The following ACAN variants were observed in gnomAD, a reference collection of about 807,000 sequenced individuals.
ACAN encodes aggrecan core protein.
A neutral mutation model predicts 169.1 loss-of-function variants in ACAN; 47 were observed. The observed-to-expected ratio is 0.28, with a 90% confidence interval of 0.22 to 0.35. The LOEUF (loss-of-function observed/expected upper bound fraction) is 0.35. ACAN is among the 10% of genes least tolerant of loss of function. The probability of loss-of-function intolerance (pLI) is 1.00; values close to 1 mark genes in which losing one functional copy is unlikely to be tolerated. For missense variants in ACAN, 2,716 were observed against 2,759.9 expected, an observed-to-expected ratio of 0.98 and a Z score of 0.36; for synonymous variants, 1,115 against 1,112.2, an observed-to-expected ratio of 1.00 and a Z score of -0.05.
Position 88,851,903 on chromosome 15 carries a change from C to A in ACAN, c.2136C>A (p.Val712=). 6.2e-7 allele frequency: 1 copy of A among 1,612,370 alleles called. No individual in the cohort carries two copies. Among genetic ancestry groups the A allele is most frequent in the Non-Finnish European group, 8.5e-7 (1 of 1,179,304 alleles). The change falls in exon 11 of 19, where the codon GTC becomes GTA. Residue 712 remains valine, a synonymous_variant. Transcript: ENST00000560601. The surrounding 1 kb of genome is among the most constrained non-coding windows in gnomAD (Gnocchi z 4.3). The stretch of plus-strand genomic sequence containing the variant: ...AAGTGGTTCCTGGTGTGGCTGCTGT[C>A]CCCGTAGAAGAGGAGACAACTGCTG... ...VTQVVPGVAA[V]PVEEETTAVP... is the part of the protein sequence containing the mutation.
intron 4 of ACAN, among the ~76,000 whole-genome samples, chr15:88,840,955 T>C (rs1264863477): frequency 1.3e-5 from 2 of 152,040 alleles, no homozygotes; most frequent in African/African-American, 4.8e-5. Context: ...CCATCCTAGC[T>C]AACATGGTGA....
In ACAN at chr15:88,868,728, G is replaced by A. The variant is rs1245226030; in HGVS notation, c.7060+399G>A. Among the ~76,000 whole-genome samples, 1 of 152,188 alleles carries A rather than the reference G, an allele frequency of 6.6e-6. No individual in the cohort carries two copies. The highest frequency in any genetic ancestry group is 1.5e-5 in the Non-Finnish European group (1 of 68,040). ...CTTCTCAGTGTGGTCATGGGCATGGGACCTTTGTGGTTCCTTCATGGCCCT... is the reference window on the plus strand; with the variant it reads ...CTTCTCAGTGTGGTCATGGGCATGGAACCTTTGTGGTTCCTTCATGGCCCT... On this transcript the variant is annotated intron_variant, in intron 14 of 18. Coordinates refer to ENST00000560601, the MANE Select transcript of ACAN (RefSeq NM_001369268.1). This position sits in a 1 kb window ranked among gnomAD's most constrained non-coding sequence, Gnocchi z 5.2.
intron 10 of ACAN, chr15:88,850,024 G>A: frequency 1.7e-6 from 1 of 600,772 alleles, no homozygotes; most frequent in Non-Finnish European, 3.0e-6. Flanking sequence ...CTACTTAATA[G>A]CTGTGTGAAA....
intron 9 of ACAN, 89 bp downstream of exon 9, chr15:88,848,127 ACCAC>A: frequency 6.5e-7 from 1 of 1,528,482 alleles, no homozygotes; most frequent in Non-Finnish European, 8.9e-7. Context: ...AGAGGGGGTT[ACCAC>A]CCACCCACCC....
At chr15:88,834,739 G>C (rs965505653) in intron 1 of ACAN, among the ~76,000 whole-genome samples, 1 of 152,234 alleles carries the variant, frequency 6.6e-6, no homozygotes, top group African/African-American at 2.4e-5. Flanking sequence ...TGGAGGGAAG[G>C]TCACAGGAGG....
chr15:88,840,866 C>G (rs1293246428), intron 4 of ACAN, among the ~76,000 whole-genome samples: 1 of 152,058 alleles, frequency 6.6e-6, no homozygotes, highest in Admixed American at 6.5e-5. Context: ...TGGACTCAGC[C>G]GGGCGCAGTG....
intron 1 of ACAN, among the ~76,000 whole-genome samples, chr15:88,820,636 A>G (rs1447624485): frequency 6.6e-6 from 1 of 152,072 alleles, no homozygotes; most frequent in East Asian, 1.9e-4. Context: ...ATCAAGGCTA[A>G]ACTCAAATCC....
intron 1 of ACAN, among the ~76,000 whole-genome samples, chr15:88,828,729 A>G (rs1376820593): frequency 6.6e-6 from 1 of 152,154 alleles, no homozygotes; most frequent in Non-Finnish European, 1.5e-5. Flanking sequence ...TCTTCTCTGC[A>G]CTGCGTGGAG....
chr15:88,848,525 G>A (rs1483841363), intron 9 of ACAN, among the ~76,000 whole-genome samples: 3 of 152,166 alleles, frequency 2.0e-5, no homozygotes, highest in Non-Finnish European at 4.4e-5. Flanking sequence ...CCAGGAGTTC[G>A]AGACCAGCCT....
Position 88,843,271 on chromosome 15 carries a change from G to C in ACAN, c.758-84G>C. 2.3e-6 allele frequency: 3 copies of C among 1,325,142 alleles called. 1 individual carries two copies. The South Asian group carries it at 5.5e-5, about 24-fold the overall frequency. 82.1% of individuals were successfully genotyped at this position (1,325,142 alleles called of 1,614,324 possible). A position where few individuals can be genotyped will look rare whatever the true frequency, so the allele number is the denominator to read the frequency against. ...GAAGTTAAAGGACTCCCAAGACCTC[G>C]TGGAAAAGTGTGGATCTCTCTGGGG... On this transcript the variant is annotated intron_variant, in intron 5 of 18. Coordinates refer to ENST00000560601, the MANE Select transcript of ACAN (RefSeq NM_001369268.1). This position sits in a 1 kb window ranked among gnomAD's most constrained non-coding sequence, Gnocchi z 4.0.
rs767636199 is a variant in ACAN at position 88,857,599 on chromosome 15, G to A, written c.5014G>A (p.Ala1672Thr). 1.2e-6 allele frequency: 2 copies of A among 1,613,964 alleles called. No individual in the cohort carries two copies. Among genetic ancestry groups the A allele is most frequent in the South Asian group, 2.2e-5 (2 of 91,088 alleles). ...VDSTLVEVVT[A>T]STASELEGRG... ...TTCTACATTGGTGGAAGTGGTCACA[G>A]CCTCCACTGCAAGTGAACTGGAAGG... The change falls in exon 12 of 19, where the codon GCC becomes ACC. Residue 1672 changes from alanine to threonine, a missense_variant. By Grantham distance (58) the Ala-to-Thr change is moderately conservative. Around this residue, in one of 3 missense-constraint regions of ACAN, gnomAD observed 1,389 missense variants for 1,363.7 expected, o/e 1.02. Transcript: ENST00000560601.
chr15:88,871,791 C>A lies in ACAN; in HGVS notation c.7220-212C>A, dbSNP rs548681186. ...GCCCAAGACTAAGCTATGGCTGTCA[C>A]CCGTCCATGCCAGCTTGGAGAGGTG... On this transcript the variant is annotated intron_variant, in intron 15 of 18. Coordinates refer to ENST00000560601, the MANE Select transcript of ACAN (RefSeq NM_001369268.1). This position sits in a 1 kb window ranked among gnomAD's most constrained non-coding sequence, Gnocchi z 7.8. 1.8e-4 allele frequency among the ~76,000 whole-genome samples: 28 copies of A among 152,344 alleles called. No individual in the cohort carries two copies. The highest frequency in any genetic ancestry group is 6.5e-4 in the African/African-American group (27 of 41,580).
At chr15:88,827,874 C>T (rs1315199056) in intron 1 of ACAN, among the ~76,000 whole-genome samples, 3 of 152,298 alleles carry the variant, frequency 2.0e-5, no homozygotes, top group African/African-American at 7.2e-5. Flanking sequence ...AGGTCATATG[C>T]TCACAGGAAA....
rs1339479630 is a variant in ACAN at position 88,871,996 on chromosome 15, T to C, written c.7220-7T>C. 1 of 1,613,192 alleles carries C rather than the reference T, an allele frequency of 6.2e-7. No individual in the cohort carries two copies. The highest frequency in any genetic ancestry group is 1.1e-5 in the South Asian group (1 of 91,048). ...TGTGATGCCTGACACCCTCACCCTT[T>C]CCCCAGACAATGCCCAAGACTACCA... On this transcript the variant is annotated splice_region_variant and splice_polypyrimidine_tract_variant and intron_variant, in intron 15 of 18. Coordinates refer to ENST00000560601, the MANE Select transcript of ACAN (RefSeq NM_001369268.1). The surrounding 1 kb of genome is among the most constrained non-coding windows in gnomAD (Gnocchi z 7.8).
chr15:88,848,006 A>G lies in ACAN; in HGVS notation c.1700A>G (p.Tyr567Cys). The G allele has an allele frequency of 6.2e-7, 1 of 1,613,896 alleles. No homozygotes were observed. The highest frequency in any genetic ancestry group is 1.3e-5 in the African/African-American group (1 of 75,022). ...TYGVRPSTETYDVYCFVDRLE... is the reference protein window; with the variant it reads ...TYGVRPSTETCDVYCFVDRLE... ...GGCGTGCGCCCATCAACAGAGACCT[A>G]CGATGTCTACTGCTTTGTAGACAGA... The change falls in exon 9 of 19, where the codon TAC (tyrosine) becomes TGC (cysteine). Residue 567 changes from tyrosine to cysteine, a missense_variant. By Grantham distance (194) the Tyr-to-Cys change is radical. Transcript: ENST00000560601.
intron 1 of ACAN, among the ~76,000 whole-genome samples, chr15:88,813,112 G>C (rs190543054): frequency 6.6e-6 from 1 of 152,212 alleles, no homozygotes; most frequent in Non-Finnish European, 1.5e-5. Context: ...AGCCCCATCT[G>C]TCTTGGTCAC....
In ACAN at chr15:88,840,116, C is replaced by T; in HGVS notation, c.559C>T (p.Gln187Ter). The T allele has an allele frequency of 6.2e-7, 1 of 1,605,838 alleles. No homozygotes were observed. Among genetic ancestry groups the T allele is most frequent in the Non-Finnish European group, 8.5e-7 (1 of 1,176,444 alleles). ...CAGTGCCATCATTGCCACGCCTGAG[C>T]AGCTGCAGGCCGCCTACGAAGACGG... ...QNSAIIATPE[Q>*]LQAAYEDGFH... Residue 187 changes from glutamine (Q) to a stop codon, truncating the protein, a stop_gained, in exon 4 of 19, where the codon CAG becomes TAG. Transcript: ENST00000560601. LOFTEE classifies it high-confidence loss of function.
Position 88,872,256 on chromosome 15 carries a change from CG to C in ACAN, c.7302+175del, listed in dbSNP as rs1296895826. Among the ~76,000 whole-genome samples, 1 of 152,128 alleles carries C rather than the reference CG, an allele frequency of 6.6e-6. No homozygotes were observed. The highest frequency in any genetic ancestry group is 6.5e-5 in the Admixed American group (1 of 15,274). ...TCATCTCTGCCTCTGGAACCCAGCC[CG>C]GGGCTGGACAGATTGAGCTAATGAT... On this transcript the variant is annotated intron_variant, in intron 16 of 18. Transcript: ENST00000560601. This position sits in a 1 kb window ranked among gnomAD's most constrained non-coding sequence, Gnocchi z 5.4.
At chr15:88,822,410 T>C (rs900043202) in intron 1 of ACAN, among the ~76,000 whole-genome samples, 2 of 151,850 alleles carry the variant, frequency 1.3e-5, no homozygotes, top group African/African-American at 4.8e-5. Context: ...TCCTAAGAAC[T>C]GTGTCCATAG....
Sources: gnomAD v4.1 joint callset for allele counts (sites outside exome capture counted in the v4.1 genomes callset) on GRCh38, gnomAD v4.1.1 for gene constraint, gnomAD v4.1.1 regional missense constraint, Gnocchi (gnomAD v3.1) non-coding constraint, MANE v1.5 for transcripts, NCBI Gene and HGNC (gene_info 2026-07-23, HGNC 2026-07-21) for gene names.